MED28: variants seen among roughly 807,000 people sequenced by gnomAD.
The protein encoded by MED28 is mediator of RNA polymerase II transcription subunit 28.
A neutral mutation model predicts 21.3 loss-of-function variants in MED28; 26 were observed. That is an observed-to-expected ratio of 1.22 (90% confidence interval 0.89 to 1.69). MED28 has a LOEUF of 1.69. Among genes scored for constraint, MED28 ranks in the 40% most tolerant of loss-of-function variants. The probability of loss-of-function intolerance (pLI) is 0.00; values close to 1 mark genes in which losing one functional copy is unlikely to be tolerated. For missense variants in MED28, 257 were observed against 215.4 expected (o/e 1.19, Z -1.21); for synonymous variants, 110 against 87.6 (o/e 1.26, Z -1.43).
At position 17,632,005 on chromosome 4, in the gene MED28, T is replaced by A. The variant is rs1560161442; in HGVS notation, c.*8207T>A. ...GTCATTAGTAACGCTAATAACATTT[T>A]CCTATAGATGACTTTTAATAACACT... On this transcript the variant is annotated 3_prime_UTR_variant, in exon 4 of 4. Coordinates refer to ENST00000237380, the MANE Select transcript of MED28 (RefSeq NM_025205.5). The A allele has an allele frequency of 6.6e-6, 1 of 151,174 alleles. No individual in the cohort carries two copies. Among genetic ancestry groups the A allele is most frequent in the Non-Finnish European group, 1.5e-5 (1 of 67,940 alleles). The allele number at this position is 151,174 out of a possible 1,614,324, so 9.4% of individuals were successfully genotyped here.
Position 17,625,421 on chromosome 4 carries a change from C to T in MED28, c.*1623C>T, listed in dbSNP as rs1714749595. 3.7e-6 allele frequency: 1 copy of T among 270,560 alleles called. No individual in the cohort carries two copies. The highest frequency in any genetic ancestry group is 3.3e-5 in the South Asian group (1 of 30,308). The allele number at this position is 270,560 out of a possible 1,614,324, so 16.8% of individuals were successfully genotyped here. A position where few individuals can be genotyped will look rare whatever the true frequency, so the allele number is the denominator to read the frequency against. On this transcript the variant is annotated 3_prime_UTR_variant, in exon 4 of 4. Coordinates refer to ENST00000237380, the MANE Select transcript of MED28 (RefSeq NM_025205.5). Reference sequence around the variant, plus strand: ...CCTCAAGGTTGCTAACCTGGTCACTCATGGTAATTAGAAACTCTGATTGGC... The same window carrying T: ...CCTCAAGGTTGCTAACCTGGTCACTTATGGTAATTAGAAACTCTGATTGGC...
intron 3 of MED28, among the ~76,000 whole-genome samples, chr4:17,623,194 A>G (rs1198854386): frequency 6.6e-6 from 1 of 152,194 alleles, no homozygotes; most frequent in Non-Finnish European, 1.5e-5. Context: ...TGAGGTCAGG[A>G]GTTCGAGATT....
At chr4:17,620,354 G>GTTTT (rs34093588) in intron 2 of MED28, among the ~76,000 whole-genome samples, 163 of 141,238 alleles carry the variant, frequency 1.2e-3, no homozygotes, top group South Asian at 2.2e-3. Flanking sequence ...TATTTTACAT[G>GTTTT]TTTTTTTTTT....
intron 1 of MED28, among the ~76,000 whole-genome samples, chr4:17,618,440 A>G (rs1230634063): frequency 1.3e-5 from 2 of 152,140 alleles, no homozygotes; most frequent in African/African-American, 2.4e-5. Context: ...TGGTTGGCCT[A>G]TTAATGGGAT....
chr4:17,617,268 G>A (rs935558286), intron 1 of MED28, among the ~76,000 whole-genome samples: 31 of 152,302 alleles, frequency 2.0e-4, no homozygotes, highest in African/African-American at 6.0e-4. Flanking sequence ...CCTTCCTTGT[G>A]TTCTGTGTGG....
chr4:17,622,842 A>G (rs915302197), intron 3 of MED28, among the ~76,000 whole-genome samples: 5 of 151,816 alleles, frequency 3.3e-5, no homozygotes, highest in African/African-American at 9.7e-5. Context: ...GGTGGCAGAC[A>G]AGAGAAGAGA....
rs768307439 is a variant in MED28, at chr4:17,614,665, C to G, written c.11C>G (p.Pro4Arg). 2 of 1,611,592 alleles carry G rather than the reference C, an allele frequency of 1.2e-6. No individual in the cohort carries two copies. The highest frequency in any genetic ancestry group is 3.4e-5 in the Admixed American group (2 of 59,182). The change falls in exon 1 of 4, where the codon CCA becomes CGA. Residue 4 changes from proline to arginine, a missense_variant. Transcript: ENST00000237380. ...TGCGCCATTCCAAACATGGCGGCTC[C>G]ACTAGGGGGTATGTTTTCTGGGCAG... MAAPLGGMFSGQPP... is the reference protein window; with the variant it reads MAARLGGMFSGQPP...
rs1715050347 is a variant in MED28, at chr4:17,634,055, T to A, written c.*10257T>A. On this transcript the variant is annotated 3_prime_UTR_variant, in exon 4 of 4. Coordinates refer to ENST00000237380, the MANE Select transcript of MED28 (RefSeq NM_025205.5). The stretch of plus-strand genomic sequence containing the variant: ...TTTTAAAGCACTTTTCCCTCCAATC[T>A]TCATTTTGTATTATAAATAAATATG... The A allele has an allele frequency of 4.0e-6, 2 of 495,192 alleles. No homozygotes were observed. Among genetic ancestry groups the A allele is most frequent in the African/African-American group, 4.0e-5 (2 of 49,874 alleles). 30.7% of individuals were successfully genotyped at this position (495,192 alleles called of 1,614,324 possible).
At position 17,628,904 on chromosome 4, in the gene MED28, AGAG is replaced by A. The variant is rs1316684196; in HGVS notation, c.*5110_*5112del. ...GGGAGGAGTCAAACTGTGGAAGATA[AGAG>A]GAGTACTGCACACAAGGACAGTAGA... On this transcript the variant is annotated 3_prime_UTR_variant, in exon 4 of 4. Transcript: ENST00000237380. The A allele has an allele frequency of 6.6e-6, 1 of 152,232 alleles. No individual in the cohort carries two copies. Among genetic ancestry groups the A allele is most frequent in the African/African-American group, 2.4e-5 (1 of 41,420 alleles). 9.4% of individuals were successfully genotyped at this position (152,232 alleles called of 1,614,324 possible).
chr4:17,615,459 A>G (rs1176930986), intron 1 of MED28, among the ~76,000 whole-genome samples: 1 of 152,222 alleles, frequency 6.6e-6, no homozygotes, highest in African/African-American at 2.4e-5. Context: ...AAGATGAGCT[A>G]TTCCTGTGTA....
At chr4:17,616,424 G>A (rs1159841445) in intron 1 of MED28, among the ~76,000 whole-genome samples, 2 of 152,202 alleles carry the variant, frequency 1.3e-5, no homozygotes, top group Non-Finnish European at 2.9e-5. Context: ...GACTGGCCCT[G>A]TACAAGTCTT....
chr4:17,621,497 T>C (rs1413812152), intron 2 of MED28, 90 bp from the exon 3 acceptor site: 7 of 876,326 alleles, frequency 8.0e-6, no homozygotes, highest in Non-Finnish European at 1.2e-5. Flanking sequence ...GAGAGGGCTT[T>C]GTTTTTACAT....
chr4:17,617,511 G>A (rs1342153852), intron 1 of MED28, among the ~76,000 whole-genome samples: 1 of 152,210 alleles, frequency 6.6e-6, no homozygotes, highest in Non-Finnish European at 1.5e-5. Flanking sequence ...GGCTCAGTGA[G>A]GGCAAGTTAC....
In MED28 at chr4:17,631,233, G is replaced by A. The variant is rs1714930350; in HGVS notation, c.*7435G>A. ...ATATATATATATATTTTTTTAATCTGTAGAGATGGGATCTCACTATCTTGC... is the reference window on the plus strand; with the variant it reads ...ATATATATATATATTTTTTTAATCTATAGAGATGGGATCTCACTATCTTGC... On this transcript the variant is annotated 3_prime_UTR_variant, in exon 4 of 4. Transcript: ENST00000237380. The A allele has an allele frequency of 6.6e-6, 1 of 151,120 alleles. No individual in the cohort carries two copies. 9.4% of individuals were successfully genotyped at this position (151,120 alleles called of 1,614,324 possible).
At position 17,630,798 on chromosome 4, in the gene MED28, G is replaced by C. The variant is rs1410457960; in HGVS notation, c.*7000G>C. ...AATCAGCTTTTTTTTTTTTAAGATG[G>C]TGTGATTGAGGTTAATGTGAACTGA... On this transcript the variant is annotated 3_prime_UTR_variant, in exon 4 of 4. Transcript: ENST00000237380. 3.3e-5 allele frequency: 5 copies of C among 151,318 alleles called. No individual in the cohort carries two copies. Among genetic ancestry groups the C allele is most frequent in the Non-Finnish European group, 5.9e-5 (4 of 67,914 alleles). 9.4% of individuals were successfully genotyped at this position (151,318 alleles called of 1,614,324 possible).
At chr4:17,617,831 C>T (rs183471890) in intron 1 of MED28, among the ~76,000 whole-genome samples, 2 of 151,912 alleles carry the variant, frequency 1.3e-5, no homozygotes, top group East Asian at 2.0e-4. Flanking sequence ...CGCTGAAACC[C>T]GGGAGGCAGA....
rs1224791330 is a variant in MED28 at position 17,629,741 on chromosome 4, A to G, written c.*5943A>G. The G allele has an allele frequency of 2.0e-5, 3 of 152,178 alleles. No homozygotes were observed. Among genetic ancestry groups the G allele is most frequent in the Admixed American group, 1.3e-4 (2 of 15,284 alleles). 9.4% of individuals were successfully genotyped at this position (152,178 alleles called of 1,614,324 possible). On this transcript the variant is annotated 3_prime_UTR_variant, in exon 4 of 4. Transcript: ENST00000237380. ...TCATCTCTAGACCGCTCTGCTGTTG[A>G]GAGATTGATGGAATCATTATGCAAA... is the stretch of plus-strand genomic sequence containing the variant.
chr4:17,616,246 C>T (rs1049666570), intron 1 of MED28, among the ~76,000 whole-genome samples: 9 of 152,318 alleles, frequency 5.9e-5, no homozygotes, highest in South Asian at 2.1e-4. Context: ...TGAGCCACTG[C>T]GCCTAGCCAG....
rs1414912357 is a variant in MED28 at position 17,624,327 on chromosome 4, A to C, written c.*529A>C. On this transcript the variant is annotated 3_prime_UTR_variant, in exon 4 of 4. Transcript: ENST00000237380. ...TTTGTAATGTTTCCAGAGCTCTCAG[A>C]ATGAGGATTTTTTTGTAAATAGGTC... 1 of 157,836 alleles carries C rather than the reference A, an allele frequency of 6.3e-6. No individual in the cohort carries two copies. The highest frequency in any genetic ancestry group is 1.4e-5 in the Non-Finnish European group (1 of 71,072). The allele number at this position is 157,836 out of a possible 1,614,324, so 9.8% of individuals were successfully genotyped here.
Sources: gnomAD v4.1 joint callset for allele counts (sites outside exome capture counted in the v4.1 genomes callset) on GRCh38, gnomAD v4.1.1 for gene constraint, MANE v1.5 for transcripts, NCBI Gene and HGNC (gene_info 2026-07-23, HGNC 2026-07-21) for gene names.